The following TJP1 variants were observed in gnomAD, a reference collection of about 807,000 sequenced individuals.
TJP1 encodes tight junction protein ZO-1.
A neutral mutation model predicts 194.2 loss-of-function variants in TJP1; 43 were observed. The observed-to-expected ratio is 0.22, with a 90% CI of 0.17 to 0.29. The LOEUF (loss-of-function observed/expected upper bound fraction) is 0.29. Among genes scored for constraint, TJP1 ranks in the 10% least tolerant of loss-of-function variants. The pLI is 1.00. For missense variants in TJP1, 1,971 were observed against 2,185.7 expected (o/e 0.90, Z 1.96); for synonymous variants, 801 against 779.0 (o/e 1.03, Z -0.47).
chr15:29,946,559 A>G (rs904189988), intron 2 of TJP1, among the ~76,000 whole-genome samples: 4 of 152,226 alleles, frequency 2.6e-5, no homozygotes, highest in African/African-American at 9.6e-5. Context: ...CCCAGGATGC[A>G]TGGCCTGAAT....
intron 4 of TJP1, among the ~76,000 whole-genome samples, chr15:29,767,164 T>C (rs1390248474): frequency 6.6e-6 from 1 of 152,232 alleles, no homozygotes; most frequent in African/African-American, 2.4e-5. Flanking sequence ...CGTTCTTTTC[T>C]CAATGATTCT....
At position 29,704,297 on chromosome 15, in the gene TJP1, G is replaced by C; in HGVS notation, c.5077C>G (p.Leu1693Val). The change falls in exon 27 of 28, where the codon CTG becomes GTG. Residue 1693 changes from leucine (L) to valine (V), a missense_variant. Physicochemically the swap from Leu to Val is conservative, Grantham distance 32 (BLOSUM62 1). This residue lies in a region of TJP1 where 1,108 missense variants were observed against 1,128.5 expected (regional missense o/e 0.98). Coordinates refer to ENST00000614355, the MANE Select transcript of TJP1 (RefSeq NM_001330239.4). The stretch of plus-strand genomic sequence containing the variant: ...CCACACATCACCAAAGGACTCAGCA[G>C]TGTTTCACCTGGAGTTGGAAAAGGG... ...PPLDKEKGET[L>V]LSPLVMCGPH... 2 of 1,594,280 alleles carry C rather than the reference G, an allele frequency of 1.3e-6. No homozygotes were observed. Among genetic ancestry groups the C allele is most frequent in the Non-Finnish European group, 1.7e-6 (2 of 1,170,302 alleles).
At chr15:29,782,527 C>G (rs1206174445) in intron 2 of TJP1, among the ~76,000 whole-genome samples, 1 of 152,076 alleles carries the variant, frequency 6.6e-6, no homozygotes, top group Admixed American at 6.6e-5. Context: ...TTCCTTATAC[C>G]ATACATAGAA....
chr15:29,949,477 C>CA (rs2055486023), intron 2 of TJP1, among the ~76,000 whole-genome samples: 1 of 108,194 alleles, frequency 9.2e-6, no homozygotes, highest in Non-Finnish European at 1.9e-5. Context: ...CCACCACCTC[C>CA]ACAACCACCA....
chr15:29,880,809 C>T (rs1321185285), intron 2 of TJP1, among the ~76,000 whole-genome samples: 6 of 152,252 alleles, frequency 3.9e-5, no homozygotes, highest in African/African-American at 9.6e-5. Context: ...TTCCATTGTA[C>T]GTATATATCA....
chr15:29,856,744 C>A (rs1048866807), intron 2 of TJP1, among the ~76,000 whole-genome samples: 1 of 151,774 alleles, frequency 6.6e-6, no homozygotes, highest in East Asian at 1.9e-4. Flanking sequence ...GAGGCTGAGG[C>A]GGGCAGATCA....
At chr15:29,938,802 A>G (rs2054969232) in intron 2 of TJP1, among the ~76,000 whole-genome samples, 1 of 152,252 alleles carries the variant, frequency 6.6e-6, no homozygotes, top group African/African-American at 2.4e-5. Context: ...TATGGTGGGC[A>G]AGACGTAGCA....
At chr15:29,714,833 G>T (rs766124185) in intron 23 of TJP1, among the ~76,000 whole-genome samples, 4 of 152,132 alleles carry the variant, frequency 2.6e-5, no homozygotes, top group Non-Finnish European at 5.9e-5. Flanking sequence ...GAGCCACTGC[G>T]CCTGGCCATA....
intron 11 of TJP1, among the ~76,000 whole-genome samples, chr15:29,734,622 T>G (rs938885975): frequency 2.0e-5 from 3 of 152,012 alleles, no homozygotes; most frequent in African/African-American, 7.2e-5. Context: ...TAGCTGGGAT[T>G]GCAGGTGCCC....
intron 2 of TJP1, among the ~76,000 whole-genome samples, chr15:29,855,332 T>C (rs2051805988): frequency 6.6e-6 from 1 of 152,126 alleles, no homozygotes; most frequent in South Asian, 2.1e-4. Context: ...AAGTCCCAAA[T>C]ATATTTTTTG....
At position 29,804,809 on chromosome 15, in the gene TJP1, A is replaced by C. The variant is rs144724429; in HGVS notation, c.28-4107T>G. On this transcript the variant is annotated intron_variant, in intron 1 of 27. Transcript: ENST00000614355. ...TAGGCTTGTAGGAGACCAAGGGGAA[A>C]ATGTATTACTCCTCTAAGCATGATT... Among the ~76,000 whole-genome samples, 43 of 152,272 alleles carry C rather than the reference A, an allele frequency of 2.8e-4. No individual in the cohort carries two copies. In the East Asian group the frequency reaches 8.1e-3, roughly 29 times the overall value.
At chr15:29,772,660 A>C (rs1260384435) in intron 3 of TJP1, among the ~76,000 whole-genome samples, 2 of 152,224 alleles carry the variant, frequency 1.3e-5, no homozygotes, top group African/African-American at 4.8e-5. Context: ...TGAAGGCTAG[A>C]TTCTACCCAA....
chr15:29,836,692 T>C (rs909368292), intron 2 of TJP1, among the ~76,000 whole-genome samples: 17 of 152,204 alleles, frequency 1.1e-4, no homozygotes, highest in African/African-American at 4.1e-4. Context: ...TAATCACCAA[T>C]GTCATAGTAT....
rs186353955 is a variant in TJP1 at position 29,782,415 on chromosome 15, G to A, written c.85-9058C>T. Among the ~76,000 whole-genome samples the A allele has an allele frequency of 6.7e-4, 102 of 152,220 alleles. 1 individual carries two copies. The highest frequency in any genetic ancestry group is 1.3e-3 in the Non-Finnish European group (88 of 68,002). On this transcript the variant is annotated intron_variant, in intron 2 of 27. Transcript: ENST00000614355. ...CCACACATACGACCATCTGATCTTCGACAAAGCTGACAAAAACAAGCAATG... is the reference window on the plus strand; with the variant it reads ...CCACACATACGACCATCTGATCTTCAACAAAGCTGACAAAAACAAGCAATG...
intron 11 of TJP1, among the ~76,000 whole-genome samples, chr15:29,734,730 C>G (rs932460323): frequency 3.9e-5 from 6 of 152,090 alleles, no homozygotes; most frequent in Non-Finnish European, 5.9e-5. Context: ...AGGTGATCCG[C>G]CCGCTTTGGT....
intron 20 of TJP1, 96 bp from the exon 21 acceptor site, chr15:29,719,234 G>T: frequency 1.5e-6 from 2 of 1,300,866 alleles, no homozygotes; most frequent in Non-Finnish European, 2.1e-6. Context: ...GATTTAATAT[G>T]TGAAAATGGT....
intron 2 of TJP1, among the ~76,000 whole-genome samples, chr15:29,831,706 T>C (rs1329864070): frequency 6.6e-6 from 1 of 152,202 alleles, no homozygotes; most frequent in African/African-American, 2.4e-5. Flanking sequence ...GAGTGTTAGA[T>C]GGGACCTAGA....
At position 29,701,033 on chromosome 15, in the gene TJP1, A is replaced by G. The variant is rs1379702281; in HGVS notation, c.*562T>C. The G allele has an allele frequency of 1.3e-5, 2 of 153,130 alleles. No individual in the cohort carries two copies. The highest frequency in any genetic ancestry group is 4.8e-5 in the African/African-American group (2 of 41,458). The allele number at this position is 153,130 out of a possible 1,614,324, so 9.5% of individuals were successfully genotyped here. ...ATGCTTTTGTATCCTTCCCTAAGAA[A>G]AATGTGTTTTCATGTACAGTAAGTC... On this transcript the variant is annotated 3_prime_UTR_variant, in exon 28 of 28. Coordinates refer to ENST00000614355, the MANE Select transcript of TJP1 (RefSeq NM_001330239.4).
intron 2 of TJP1, among the ~76,000 whole-genome samples, chr15:29,866,137 T>C (rs1446893438): frequency 6.6e-6 from 1 of 152,228 alleles, no homozygotes; most frequent in Non-Finnish European, 1.5e-5. Context: ...ACCTTCTCCT[T>C]TTCAAAAATA....
Sources: allele counts gnomAD v4.1 joint callset (sites outside exome capture counted in the v4.1 genomes callset), GRCh38; gene constraint gnomAD v4.1.1; regional missense constraint gnomAD v4.1.1; transcripts MANE v1.5; gene names NCBI Gene and HGNC (gene_info 2026-07-23, HGNC 2026-07-21).